CCBE1: variants seen among roughly 807,000 people sequenced by gnomAD.
The protein encoded by CCBE1 is collagen and calcium-binding EGF domain-containing protein 1.
A neutral mutation model predicts 50.0 loss-of-function variants in CCBE1; 37 were observed. The ratio of observed to expected loss-of-function variants is 0.74; its 90% CI spans 0.57 to 0.97. The LOEUF is 0.97. Ranked by LOEUF, CCBE1 falls within the 50% of genes least tolerant of loss-of-function variation. CCBE1 has a pLI of 0.00. For synonymous variants in CCBE1, 234 were observed against 203.7 expected, an observed-to-expected ratio of 1.15 and a Z score of -1.27; for missense variants, 538 against 523.8, an observed-to-expected ratio of 1.03 and a Z score of -0.26.
intron 2 of CCBE1, among the ~76,000 whole-genome samples, chr18:59,511,102 C>A (rs946305493): frequency 2.6e-5 from 4 of 152,192 alleles, no homozygotes; most frequent in African/African-American, 9.7e-5. Context: ...GTCTTCAGGA[C>A]TTTCTTTCCA....
At chr18:59,493,646 G>T (rs1913214676) in intron 2 of CCBE1, among the ~76,000 whole-genome samples, 1 of 152,042 alleles carries the variant, frequency 6.6e-6, no homozygotes, top group Admixed American at 6.5e-5. Flanking sequence ...GGGCTCCAGA[G>T]CCCACCTCTT....
At chr18:59,456,133 T>C (rs1911183309) in intron 5 of CCBE1, among the ~76,000 whole-genome samples, 1 of 152,176 alleles carries the variant, frequency 6.6e-6, no homozygotes, top group African/African-American at 2.4e-5. Context: ...ATTTACCGTG[T>C]GTCCCTCCCA....
Position 59,439,822 on chromosome 18 carries a change from A to T in CCBE1, c.776-6T>A. 6.2e-7 allele frequency: 1 copy of T among 1,613,346 alleles called. No individual in the cohort carries two copies. Among genetic ancestry groups the T allele is most frequent in the East Asian group, 2.2e-5 (1 of 44,868 alleles). On this transcript the variant is annotated splice_polypyrimidine_tract_variant and splice_region_variant and intron_variant, in intron 7 of 10. Coordinates refer to ENST00000439986, the MANE Select transcript of CCBE1 (RefSeq NM_133459.4). ...TCCCTTTGGTCCTGGTGAGCCTGTA[A>T]TCAAAGAACACCTCATTAGCTCACA...
At chr18:59,614,255 C>T (rs1355630020) in intron 2 of CCBE1, among the ~76,000 whole-genome samples, 1 of 152,196 alleles carries the variant, frequency 6.6e-6, no homozygotes, top group African/African-American at 2.4e-5. Context: ...CTGCCTCGGT[C>T]TCCCAAAGTG....
At chr18:59,473,476 A>G (rs1423579866) in intron 3 of CCBE1, among the ~76,000 whole-genome samples, 1 of 152,152 alleles carries the variant, frequency 6.6e-6, no homozygotes, top group East Asian at 1.9e-4. Flanking sequence ...AATTCTGAAG[A>G]CTTTTTGAAT....
intron 2 of CCBE1, among the ~76,000 whole-genome samples, chr18:59,630,115 A>G (rs1049829775): frequency 3.3e-5 from 5 of 152,142 alleles, no homozygotes; most frequent in Admixed American, 6.5e-5. Flanking sequence ...GGACCAGTAA[A>G]CCAGCCACCA....
At chr18:59,480,839 C>T in intron 2 of CCBE1, among the ~76,000 whole-genome samples, 1 of 151,904 alleles carries the variant, frequency 6.6e-6, no homozygotes, top group South Asian at 2.1e-4. Context: ...ACAGGTCATT[C>T]CTAACATAAA....
intron 2 of CCBE1, among the ~76,000 whole-genome samples, chr18:59,673,177 G>A (rs1335757285): frequency 6.6e-6 from 1 of 152,192 alleles, no homozygotes; most frequent in African/African-American, 2.4e-5. Flanking sequence ...GAGGCCAGGC[G>A]TGGTGGCTCA....
chr18:59,550,927 C>T (rs1477679217), intron 2 of CCBE1, among the ~76,000 whole-genome samples: 1 of 141,328 alleles, frequency 7.1e-6, no homozygotes, highest in South Asian at 2.2e-4. Flanking sequence ...ATGGCATGAA[C>T]CCAGGAGGCG....
In CCBE1 at chr18:59,696,728, G is replaced by GAT; in HGVS notation, c.132-20_132-19insAT. 6.2e-7 allele frequency: 1 copy of GAT among 1,611,942 alleles called. No homozygotes were observed. Among genetic ancestry groups the GAT allele is most frequent in the Non-Finnish European group, 8.5e-7 (1 of 1,178,458 alleles). On this transcript the variant is annotated intron_variant, in intron 1 of 10. Transcript: ENST00000439986. ...GATTTCTCTATGAAAAAGTGCAGAGGAAATGTTCGATTCTCAGCGGGAGAG... is the reference window on the plus strand; with the variant it reads ...GATTTCTCTATGAAAAAGTGCAGAGGATAAATGTTCGATTCTCAGCGGGAGAG...
intron 2 of CCBE1, among the ~76,000 whole-genome samples, chr18:59,589,818 A>C (rs1483216694): frequency 1.5e-5 from 1 of 65,524 alleles, no homozygotes; most frequent in Non-Finnish European, 3.5e-5. Flanking sequence ...AAAAGAAAGA[A>C]AAAAAAAATG....
chr18:59,534,586 C>T (rs1182511344), intron 2 of CCBE1, among the ~76,000 whole-genome samples: 1 of 152,218 alleles, frequency 6.6e-6, no homozygotes, highest in East Asian at 1.9e-4. Flanking sequence ...CTAGCATCAG[C>T]ATCATCTGGA....
rs1177432682 is a variant in CCBE1 at position 59,486,161 on chromosome 18, C to T, written c.213-5923G>A. Among the ~76,000 whole-genome samples, 4 of 152,130 alleles carry T rather than the reference C, an allele frequency of 2.6e-5. No individual in the cohort carries two copies. In the East Asian group the frequency reaches 7.7e-4, roughly 29 times the overall value. ...CAAAACATGAATAAATAGTATCTGC[C>T]TTATGAGATAATTGACAGTATTACA... On this transcript the variant is annotated intron_variant, in intron 2 of 10. Transcript: ENST00000439986.
intron 4 of CCBE1, among the ~76,000 whole-genome samples, chr18:59,468,492 G>A (rs144854656): frequency 1.3e-5 from 2 of 152,318 alleles, no homozygotes; most frequent in East Asian, 3.9e-4. Flanking sequence ...TTCTCTGCAG[G>A]AGAGGCCAGA....
At chr18:59,621,612 C>A (rs1421574483) in intron 2 of CCBE1, among the ~76,000 whole-genome samples, 1 of 152,180 alleles carries the variant, frequency 6.6e-6, no homozygotes, top group East Asian at 1.9e-4. Context: ...ACAGGATTGT[C>A]TTCATTTTAC....
At chr18:59,575,652 G>T (rs148201343) in intron 2 of CCBE1, among the ~76,000 whole-genome samples, 1 of 152,150 alleles carries the variant, frequency 6.6e-6, no homozygotes, top group African/African-American at 2.4e-5. Context: ...GCTTAAGTTC[G>T]CTGCAAAGTT....
intron 2 of CCBE1, among the ~76,000 whole-genome samples, chr18:59,572,198 CA>C (rs2052924576): frequency 6.6e-6 from 1 of 152,076 alleles, no homozygotes; most frequent in Admixed American, 6.6e-5. Context: ...CACGTTTTTT[CA>C]AAATGTCTTG....
intron 2 of CCBE1, among the ~76,000 whole-genome samples, chr18:59,588,841 A>C (rs904383291): frequency 6.6e-6 from 1 of 152,144 alleles, no homozygotes; most frequent in African/African-American, 2.4e-5. Flanking sequence ...GTGGAAGACC[A>C]CCTGTGAGGC....
At chr18:59,633,408 GACAT>G (rs2053875370) in intron 2 of CCBE1, among the ~76,000 whole-genome samples, 1 of 152,172 alleles carries the variant, frequency 6.6e-6, no homozygotes, top group Non-Finnish European at 1.5e-5. Flanking sequence ...TTTCCAGGGG[GACAT>G]TAGTTTTCTC....
Sources: allele counts gnomAD v4.1 joint callset (sites outside exome capture counted in the v4.1 genomes callset), GRCh38; gene constraint gnomAD v4.1.1; transcripts MANE v1.5; gene names NCBI Gene and HGNC (gene_info 2026-07-23, HGNC 2026-07-21).